The following CCDC85A variants were observed in gnomAD, a reference collection of about 807,000 sequenced individuals.
CCDC85A encodes the protein coiled-coil domain containing 85A.
CCDC85A carries 38 observed loss-of-function variants against 50.2 expected under a neutral mutation model. The observed-to-expected ratio is 0.76, with a 90% CI of 0.58 to 0.99. The LOEUF is 0.99. CCDC85A is among the 50% of genes least tolerant of loss of function. The pLI, the probability that CCDC85A is intolerant of heterozygous loss-of-function variation, is 0.00. For synonymous variants in CCDC85A, 366 were observed against 301.4 expected (o/e 1.21, Z -2.22); for missense variants, 820 against 742.0 (o/e 1.11, Z -1.22).
chr2:56,188,212 A>C (rs1572996853), intron 1 of CCDC85A, among the ~76,000 whole-genome samples: 1 of 152,362 alleles, frequency 6.6e-6, no homozygotes, highest in African/African-American at 2.4e-5. Context: ...GATTTGAAGA[A>C]GCTGGATCAC....
At chr2:56,290,750 C>G (rs1671665646) in intron 2 of CCDC85A, among the ~76,000 whole-genome samples, 1 of 152,204 alleles carries the variant, frequency 6.6e-6, no homozygotes, top group Non-Finnish European at 1.5e-5. Context: ...ACATTTGGCA[C>G]TTTCCTCTAT....
At chr2:56,298,506 T>C (rs1422845241) in intron 2 of CCDC85A, among the ~76,000 whole-genome samples, 1 of 152,210 alleles carries the variant, frequency 6.6e-6, no homozygotes, top group Non-Finnish European at 1.5e-5. Context: ...GTTTCAGGGC[T>C]CAGCTAAATT....
intron 3 of CCDC85A, among the ~76,000 whole-genome samples, chr2:56,362,135 G>A (rs1675557606): frequency 6.6e-6 from 1 of 152,180 alleles, no homozygotes; most frequent in Non-Finnish European, 1.5e-5. Context: ...CAGAGACTAT[G>A]CAGTGAATGG....
intron 2 of CCDC85A, among the ~76,000 whole-genome samples, chr2:56,242,999 A>G (rs75286277): frequency 2.2e-4 from 34 of 152,104 alleles, no homozygotes; most frequent in Non-Finnish European, 4.7e-4. Context: ...TCCCAGCACA[A>G]TTTATTGAAA....
rs56060118 is a variant in CCDC85A at position 56,228,117 on chromosome 2, C to A, written c.1240+34677C>A. ...TCAGAGAATAACTCTTAACTGAGAA[C>A]TTCCTTTGTGAAGTCAGCCAGTCCA... On this transcript the variant is annotated intron_variant, in intron 2 of 5. Coordinates refer to ENST00000407595, the MANE Select transcript of CCDC85A (RefSeq NM_001080433.2). 4.1e-3 allele frequency among the ~76,000 whole-genome samples: 625 copies of A among 152,276 alleles called. 6 individuals are homozygous for A. Among genetic ancestry groups the A allele is most frequent in the African/African-American group, 0.015 (605 of 41,548 alleles).
At chr2:56,322,024 C>G (rs1228800464) in intron 2 of CCDC85A, among the ~76,000 whole-genome samples, 1 of 152,020 alleles carries the variant, frequency 6.6e-6, no homozygotes, top group Non-Finnish European at 1.5e-5. Flanking sequence ...ACAAACCTGA[C>G]AAAAACAAGA....
At chr2:56,346,280 A>T (rs551998205) in intron 3 of CCDC85A, among the ~76,000 whole-genome samples, 14 of 152,312 alleles carry the variant, frequency 9.2e-5, no homozygotes, top group Non-Finnish European at 1.2e-4. Flanking sequence ...AGATGCAAAG[A>T]CCTTAATTTT....
At chr2:56,319,680 C>T (rs1367942931) in intron 2 of CCDC85A, among the ~76,000 whole-genome samples, 1 of 152,104 alleles carries the variant, frequency 6.6e-6, no homozygotes, top group Non-Finnish European at 1.5e-5. Context: ...CAGCGATCAT[C>T]TCAAGAGAGA....
At chr2:56,213,254 TAAAC>T (rs1357881053) in intron 2 of CCDC85A, among the ~76,000 whole-genome samples, 1 of 152,032 alleles carries the variant, frequency 6.6e-6, no homozygotes, top group African/African-American at 2.4e-5. Flanking sequence ...AATATGCACT[TAAAC>T]AAGCTTTCAG....
At chr2:56,227,874 C>T (rs936619566) in intron 2 of CCDC85A, among the ~76,000 whole-genome samples, 6 of 152,126 alleles carry the variant, frequency 3.9e-5, no homozygotes, top group Admixed American at 6.6e-5. Flanking sequence ...CAGTGATGCT[C>T]ACCTAGATTT....
At chr2:56,281,306 G>A (rs1038665780) in intron 2 of CCDC85A, among the ~76,000 whole-genome samples, 6 of 152,090 alleles carry the variant, frequency 3.9e-5, no homozygotes, top group Non-Finnish European at 5.9e-5. Flanking sequence ...ATTCAAATGT[G>A]TACCAATTTG....
chr2:56,282,796 C>A (rs1395259852), intron 2 of CCDC85A, among the ~76,000 whole-genome samples: 1 of 152,266 alleles, frequency 6.6e-6, no homozygotes, highest in Non-Finnish European at 1.5e-5. Flanking sequence ...AGGCGTGAGC[C>A]ACCATTCCCG....
intron 3 of CCDC85A, among the ~76,000 whole-genome samples, chr2:56,352,681 G>T (rs536793134): frequency 1.3e-5 from 2 of 152,150 alleles, no homozygotes; most frequent in African/African-American, 2.4e-5. Flanking sequence ...AGCTGTCATT[G>T]TATGAAAAAT....
chr2:56,333,071 G>A (rs551125320), intron 2 of CCDC85A, among the ~76,000 whole-genome samples: 1 of 152,328 alleles, frequency 6.6e-6, no homozygotes, highest in South Asian at 2.1e-4. Flanking sequence ...TTTTGGTAGG[G>A]AGAAACAGGC....
At chr2:56,274,002 G>T (rs1291112936) in intron 2 of CCDC85A, among the ~76,000 whole-genome samples, 4 of 152,118 alleles carry the variant, frequency 2.6e-5, no homozygotes, top group Admixed American at 2.0e-4. Context: ...CATGATCAAA[G>T]TAGACAATAC....
intron 2 of CCDC85A, among the ~76,000 whole-genome samples, chr2:56,311,073 T>C (rs1011861686): frequency 2.6e-5 from 4 of 152,158 alleles, no homozygotes; most frequent in African/African-American, 9.7e-5. Context: ...TATTTCTACA[T>C]GCTGGTGTTT....
intron 2 of CCDC85A, among the ~76,000 whole-genome samples, chr2:56,299,099 A>T (rs893928331): frequency 6.6e-6 from 1 of 152,144 alleles, no homozygotes; most frequent in Admixed American, 6.6e-5. Context: ...GTTCTCATGC[A>T]TTATTTATTT....
chr2:56,220,258 CCTT>C (rs1448932042), intron 2 of CCDC85A, among the ~76,000 whole-genome samples: 2 of 151,964 alleles, frequency 1.3e-5, no homozygotes, highest in African/African-American at 4.8e-5. Flanking sequence ...ATCTTAAACT[CCTT>C]CACTCCAGTG....
At chr2:56,338,838 C>T (rs1201180277) in intron 2 of CCDC85A, among the ~76,000 whole-genome samples, 1 of 151,612 alleles carries the variant, frequency 6.6e-6, no homozygotes, top group African/African-American at 2.4e-5. Context: ...ACAGTATATT[C>T]CAGAAAAATA....
Sources: gnomAD v4.1 joint callset for allele counts (sites outside exome capture counted in the v4.1 genomes callset) on GRCh38, gnomAD v4.1.1 for gene constraint, MANE v1.5 for transcripts, NCBI Gene and HGNC (gene_info 2026-07-23, HGNC 2026-07-21) for gene names.